The following ACACB variants were observed in gnomAD, a reference collection of about 807,000 sequenced individuals.
The protein encoded by ACACB is acetyl-CoA carboxylase beta.
Under a neutral mutation model 278.8 loss-of-function variants are expected in ACACB, and 209 were observed. The ratio of observed to expected loss-of-function variants is 0.75; its 90% CI spans 0.67 to 0.84. The LOEUF (loss-of-function observed/expected upper bound fraction) is 0.84, where lower values mean the gene tolerates loss of function less well. Ranked by LOEUF, ACACB falls within the 40% of genes least tolerant of loss-of-function variation. ACACB has a pLI of 0.00. For missense variants in ACACB, 2,850 were observed against 3,269.0 expected, an observed-to-expected ratio of 0.87 and a Z score of 3.13; for synonymous variants, 1,174 against 1,285.6, an observed-to-expected ratio of 0.91 and a Z score of 1.86.
chr12:109,176,886 G>C (rs1456344208), intron 9 of ACACB, among the ~76,000 whole-genome samples: 1 of 152,186 alleles, frequency 6.6e-6, no homozygotes, highest in Admixed American at 6.5e-5. Context: ...CAAAGTGCTG[G>C]GATTACAGGT....
rs61746004 is a variant in ACACB, at chr12:109,242,497, C to G, written c.5083C>G (p.Pro1695Ala). The G allele has an allele frequency of 3.1e-6, 5 of 1,614,022 alleles. No homozygotes were observed. Among genetic ancestry groups the G allele is most frequent in the South Asian group, 2.2e-5 (2 of 91,090 alleles). Residue 1695 changes from proline to alanine, a missense_variant, in exon 37 of 53, where the codon CCC becomes GCC. Physicochemically the swap from Pro to Ala is conservative, Grantham distance 27. This residue lies in a region of ACACB where 2,265 missense variants were observed against 2,561.3 expected (regional missense o/e 0.88). Transcript: ENST00000338432. ...CCAGCACGGGATGCTGATCAATACTCCCTACGTCACCAAGGATCTGCTCCA... is the reference window on the plus strand; with the variant it reads ...CCAGCACGGGATGCTGATCAATACTGCCTACGTCACCAAGGATCTGCTCCA... ...GPQHGMLINT[P>A]YVTKDLLQAK...
intron 11 of ACACB, among the ~76,000 whole-genome samples, chr12:109,182,511 G>A (rs1391618650): frequency 2.0e-5 from 3 of 152,174 alleles, no homozygotes; most frequent in African/African-American, 7.2e-5. Flanking sequence ...GAGACTACAA[G>A]TGTGCAACAC....
At chr12:109,172,614 A>G (rs1266654432) in intron 6 of ACACB, among the ~76,000 whole-genome samples, 1 of 152,222 alleles carries the variant, frequency 6.6e-6, no homozygotes, top group African/African-American at 2.4e-5. Flanking sequence ...AAAGCTCAAC[A>G]TCACTGATCA....
Position 109,210,191 on chromosome 12 carries a change from GTGTA to G in ACACB, c.3249+840_3249+843del, listed in dbSNP as rs1565926890. 8.5e-5 allele frequency among the ~76,000 whole-genome samples: 2 copies of G among 23,436 alleles called. 1 individual carries two copies. Among genetic ancestry groups the G allele is most frequent in the Non-Finnish European group, 1.6e-4 (2 of 12,472 alleles). 15.4% of individuals were successfully genotyped at this position (23,436 alleles called of 152,430 possible). On this transcript the variant is annotated intron_variant, in intron 21 of 52. Coordinates refer to ENST00000338432, the MANE Select transcript of ACACB (RefSeq NM_001093.4). ...TGTATATATGTATATATACACACGT[GTGTA>G]TATGTATATATGTATATATACACAC...
intron 1 of ACACB, among the ~76,000 whole-genome samples, chr12:109,127,615 A>G (rs574745140): frequency 6.6e-6 from 1 of 151,996 alleles, no homozygotes; most frequent in South Asian, 2.1e-4. Context: ...AAAAAAGAAT[A>G]AAGTTCTTAG....
In ACACB at chr12:109,168,098, C is replaced by G. The variant is rs559963888; in HGVS notation, c.925+64C>G. The stretch of plus-strand genomic sequence containing the variant: ...TCCTTGCCTGCCCTCGCCTCCTTCC[C>G]CTGTGCCTAGGCAAGTCCATCCTGG... On this transcript the variant is annotated intron_variant, in intron 4 of 52. Transcript: ENST00000338432. 1.9e-6 allele frequency: 3 copies of G among 1,539,730 alleles called. No homozygotes were observed. The African/African-American group carries it at 4.1e-5, about 21-fold the overall frequency.
intron 12 of ACACB, among the ~76,000 whole-genome samples, chr12:109,186,643 C>T (rs1035675880): frequency 6.6e-6 from 1 of 152,254 alleles, no homozygotes; most frequent in Admixed American, 6.5e-5. Context: ...AACTTAATTG[C>T]TTAATTATTA....
chr12:109,248,303 G>A (rs1042410411), intron 40 of ACACB, among the ~76,000 whole-genome samples: 1 of 152,170 alleles, frequency 6.6e-6, no homozygotes, highest in Non-Finnish European at 1.5e-5. Context: ...CAGAGGGACA[G>A]GACTAGTAGG....
intron 44 of ACACB, 53 bp from the exon 45 acceptor site, chr12:109,256,087 G>T: frequency 6.6e-7 from 1 of 1,525,436 alleles, no homozygotes. Flanking sequence ...AGTGTCCTGG[G>T]GGCCCCCAGC....
chr12:109,249,877 T>C, intron 40 of ACACB, 107 bp from the exon 41 acceptor site: 2 of 1,423,566 alleles, frequency 1.4e-6, no homozygotes, highest in Non-Finnish European at 1.9e-6. Context: ...CTTTGTCTGC[T>C]TCCAATCTCT....
In ACACB at chr12:109,259,071, C is replaced by G. The variant is rs766434655; in HGVS notation, c.6459C>G (p.Ile2153Met). ...DFNREKLPLM[I>M]FANWRGFSGG... ...ACCGGGAGAAGTTGCCCCTGATGATCTTTGCCAACTGGAGGGGGTTCTCCG... is the reference window on the plus strand; with the variant it reads ...ACCGGGAGAAGTTGCCCCTGATGATGTTTGCCAACTGGAGGGGGTTCTCCG... The change falls in exon 47 of 53, where the codon ATC becomes ATG. Residue 2153 changes from isoleucine (I) to methionine (M), a missense_variant. Transcript: ENST00000338432. 2 of 1,614,120 alleles carry G rather than the reference C, an allele frequency of 1.2e-6. No individual in the cohort carries two copies. Among genetic ancestry groups the G allele is most frequent in the Non-Finnish European group, 1.7e-6 (2 of 1,180,018 alleles).
chr12:109,251,932 A>G, intron 41 of ACACB, 114 bp from the exon 42 acceptor site: 6 of 711,884 alleles, frequency 8.4e-6, no homozygotes, highest in Non-Finnish European at 1.1e-5. Context: ...TCGGGTTGCC[A>G]TTGGTCAAAA....
In ACACB at chr12:109,180,045, A is replaced by G. The variant is rs777215864; in HGVS notation, c.1776A>G (p.Thr592=). 1.1e-5 allele frequency: 17 copies of G among 1,612,882 alleles called. No homozygotes were observed. Among genetic ancestry groups the G allele is most frequent in the Non-Finnish European group, 1.4e-5 (17 of 1,179,816 alleles). Residue 592 remains threonine (T), a synonymous_variant, in exon 11 of 53, where the codon ACA becomes ACG. Transcript: ENST00000338432. ...GCTTGCAGGTGGAACATCCCTGCAC[A>G]GAAATGATTGCTGATGTTAATCTGC... ...NPRLQVEHPC[T]EMIADVNLPA... is the part of the protein sequence containing the mutation.
intron 36 of ACACB, 174 bp from the exon 37 acceptor site, chr12:109,242,263 G>GC: frequency 1.6e-6 from 1 of 631,850 alleles, no homozygotes; most frequent in Admixed American, 3.0e-5. Context: ...TCTTGTTCTG[G>GC]CCCTCCACAG....
chr12:109,179,114 C>T lies in ACACB; in HGVS notation c.1464C>T (p.Pro488=), dbSNP rs765134425. ...TACAGAGTGAGATCCCAGGCTCGCCCATCTTTCTCATGAAGCTGGCCCAGC... is the reference window on the plus strand; with the variant it reads ...TACAGAGTGAGATCCCAGGCTCGCCTATCTTTCTCATGAAGCTGGCCCAGC... The part of the protein sequence containing the change: ...RQVQSEIPGS[P]IFLMKLAQHA... The change falls in exon 10 of 53, where the codon CCC becomes CCT. Residue 488 remains proline (P), a synonymous_variant. Transcript: ENST00000338432. The T allele has an allele frequency of 6.2e-7, 1 of 1,613,668 alleles. No homozygotes were observed. Among genetic ancestry groups the T allele is most frequent in the Non-Finnish European group, 8.5e-7 (1 of 1,179,820 alleles).
chr12:109,135,478 A>G (rs2042943535), intron 1 of ACACB, among the ~76,000 whole-genome samples: 1 of 151,604 alleles, frequency 6.6e-6, no homozygotes, highest in Non-Finnish European at 1.5e-5. Flanking sequence ...TTATCTTTTC[A>G]CTTTCTTGAT....
intron 16 of ACACB, among the ~76,000 whole-genome samples, chr12:109,193,981 C>T (rs1243306167): frequency 6.6e-6 from 1 of 152,172 alleles, no homozygotes; most frequent in Non-Finnish European, 1.5e-5. Flanking sequence ...TAACAAGGTA[C>T]CACAAACTGG....
intron 24 of ACACB, among the ~76,000 whole-genome samples, chr12:109,219,522 G>A (rs2046100730): frequency 6.6e-6 from 1 of 152,052 alleles, no homozygotes; most frequent in South Asian, 2.1e-4. Flanking sequence ...ACCTAAATGT[G>A]CACTGTATAT....
At chr12:109,125,537 A>G (rs547745563) in intron 1 of ACACB, 1 of 152,334 alleles carries the variant, frequency 6.6e-6, no homozygotes, top group South Asian at 2.1e-4. Context: ...ACAGGTCAAG[A>G]GACTTTCGCA....
Sources: allele counts gnomAD v4.1 joint callset (sites outside exome capture counted in the v4.1 genomes callset), GRCh38; gene constraint gnomAD v4.1.1; regional missense constraint gnomAD v4.1.1; transcripts MANE v1.5; gene names NCBI Gene and HGNC (gene_info 2026-07-23, HGNC 2026-07-21).